The following AGO3 variants were observed in gnomAD, a reference collection of about 807,000 sequenced individuals.
AGO3 encodes the protein protein argonaute-3.
AGO3 carries 16 observed loss-of-function variants against 105.5 expected under a neutral mutation model. That is an observed-to-expected ratio of 0.15 (90% CI 0.10 to 0.23). AGO3 has a LOEUF of 0.23. Among genes scored for constraint, AGO3 ranks in the 10% least tolerant of loss-of-function variants. AGO3 has a pLI of 1.00. For synonymous variants in AGO3, 340 were observed against 367.3 expected (o/e 0.93, Z 0.85); for missense variants, 534 against 1,088.0 (o/e 0.49, Z 7.16).
rs1217744348 is a variant in AGO3 at position 36,070,778 on chromosome 1, C to G, written c.*15033C>G. 1.3e-5 allele frequency: 2 copies of G among 152,104 alleles called. No individual in the cohort carries two copies. The highest frequency in any genetic ancestry group is 2.9e-5 in the Non-Finnish European group (2 of 68,026). 9.4% of individuals were successfully genotyped at this position (152,104 alleles called of 1,614,324 possible). A position where few individuals can be genotyped will look rare whatever the true frequency, so the allele number is the denominator to read the frequency against. On this transcript the variant is annotated 3_prime_UTR_variant, in exon 19 of 19. Transcript: ENST00000373191. ...AATGAAAAATGAACAAAAAATCCAC[C>G]TTGTGCAGTGAGATAGCTAACGCTG...
intron 8 of AGO3, 91 bp from the exon 9 acceptor site, chr1:36,009,384 T>A (rs1297056754): frequency 4.2e-6 from 6 of 1,412,460 alleles, no homozygotes; most frequent in Non-Finnish European, 5.7e-6. Context: ...TGAAGTTGAT[T>A]TTAAATTTTT....
At chr1:36,045,243 A>G (rs1248813851) in intron 17 of AGO3, among the ~76,000 whole-genome samples, 4 of 151,686 alleles carry the variant, frequency 2.6e-5, no homozygotes, top group Non-Finnish European at 5.9e-5. Context: ...TTTTTTTTTA[A>G]CGGAGTCTCA....
upstream of AGO3, chr1:35,930,893 C>A: frequency 4.0e-6 from 1 of 248,782 alleles, no homozygotes; most frequent in Non-Finnish European, 7.6e-6. Context: ...TCCTGCCCCT[C>A]CGCGTTGTCT....
intron 5 of AGO3, among the ~76,000 whole-genome samples, chr1:36,000,983 C>T (rs1640056888): frequency 6.6e-6 from 1 of 152,122 alleles, no homozygotes; most frequent in African/African-American, 2.4e-5. Context: ...CGCCTGTAAT[C>T]CCAGCACTTT....
rs758001841 is a variant in AGO3, at chr1:36,060,023, A to T, written c.*4278A>T. ...TTCTAACAAGTTTCTTGGAAAAACT[A>T]TCATTCTAAGGGAAATCCCTGTTTA... On this transcript the variant is annotated 3_prime_UTR_variant, in exon 19 of 19. Transcript: ENST00000373191. 3 of 152,212 alleles carry T rather than the reference A, an allele frequency of 2.0e-5. No individual in the cohort carries two copies. The highest frequency in any genetic ancestry group is 4.4e-5 in the Non-Finnish European group (3 of 68,028). 9.4% of individuals were successfully genotyped at this position (152,212 alleles called of 1,614,324 possible).
chr1:36,039,854 G>A lies in AGO3; in HGVS notation c.1907G>A (p.Arg636Gln), dbSNP rs749241678. The A allele has an allele frequency of 6.2e-7, 1 of 1,613,710 alleles. No homozygotes were observed. Among genetic ancestry groups the A allele is most frequent in the Non-Finnish European group, 8.5e-7 (1 of 1,179,926 alleles). ...GCCACAGTAAGAGTTCAGAGACCCC[G>A]ACAGGAGATCATCCAGGACTTGGCC... ...YCATVRVQRP[R>Q]QEIIQDLASM... The change falls in exon 15 of 19, where the codon CGA (arginine) becomes CAA (glutamine). Residue 636 changes from arginine (R) to glutamine (Q), a missense_variant. Coordinates refer to ENST00000373191, the MANE Select transcript of AGO3 (RefSeq NM_024852.4).
chr1:35,994,701 A>G (rs1263677598), intron 5 of AGO3, among the ~76,000 whole-genome samples: 1 of 152,238 alleles, frequency 6.6e-6, no homozygotes, highest in Non-Finnish European at 1.5e-5. Flanking sequence ...TGCTAACTGC[A>G]TAAACAAATA....
intron 17 of AGO3, among the ~76,000 whole-genome samples, chr1:36,044,099 C>CT (rs1349354418): frequency 1.3e-5 from 2 of 152,188 alleles, no homozygotes; most frequent in Admixed American, 1.3e-4. Context: ...AATTCCAACA[C>CT]TTTGGGAGGC....
In AGO3 at chr1:36,046,668, C is replaced by T. The variant is rs549393490; in HGVS notation, c.2274+3120C>T. 4.8e-5 allele frequency among the ~76,000 whole-genome samples: 6 copies of T among 124,754 alleles called. No homozygotes were observed. In the South Asian group the frequency reaches 1.2e-3, roughly 25 times the overall value. The allele number at this position is 124,754 out of a possible 152,430, so 81.8% of individuals were successfully genotyped here. On this transcript the variant is annotated intron_variant, in intron 17 of 18. Transcript: ENST00000373191. The stretch of plus-strand genomic sequence containing the variant: ...AAAAAAAAAAAAAGAGGTCATACCT[C>T]TCCAGTGCCTAAATTGAAGGAGTAC...
chr1:36,001,935 AAAG>A (rs1167326663), intron 5 of AGO3, among the ~76,000 whole-genome samples: 2 of 152,206 alleles, frequency 1.3e-5, no homozygotes, highest in Non-Finnish European at 2.9e-5. Context: ...TTTGTGTAAT[AAAG>A]AAGTAAAAAA....
At chr1:36,022,916 C>T (rs893212277) in intron 11 of AGO3, among the ~76,000 whole-genome samples, 5 of 128,850 alleles carry the variant, frequency 3.9e-5, no homozygotes, top group East Asian at 4.3e-4. Flanking sequence ...AGTGAGACTC[C>T]GTCTCAAAAA....
upstream of AGO3, chr1:35,931,094 C>A: frequency 2.5e-6 from 1 of 392,484 alleles, no homozygotes; most frequent in East Asian, 3.6e-5. Flanking sequence ...GCTTCCGGGG[C>A]GGCCCCGGGC....
At chr1:35,944,894 A>C (rs1646333004) in intron 1 of AGO3, among the ~76,000 whole-genome samples, 2 of 152,124 alleles carry the variant, frequency 1.3e-5, no homozygotes, top group South Asian at 4.2e-4. Context: ...ACTCTGCCTC[A>C]CAGGCTCAAG....
chr1:35,982,901 T>C (rs1647079588), intron 5 of AGO3: 3 of 397,688 alleles, frequency 7.5e-6, no homozygotes, highest in Non-Finnish European at 1.3e-5. Flanking sequence ...ACTACAAGCC[T>C]GGCATATCAG....
At chr1:36,034,443 C>A in intron 13 of AGO3, 110 bp downstream of exon 13, 1 of 701,596 alleles carries the variant, frequency 1.4e-6, no homozygotes, top group Non-Finnish European at 2.0e-6. Flanking sequence ...CTTAATAATT[C>A]CTACTATGGG....
Position 36,009,600 on chromosome 1 carries a change from TA to T in AGO3, c.1149+7del, listed in dbSNP as rs1640495640. On this transcript the variant is annotated splice_region_variant and intron_variant, in intron 9 of 18. Coordinates refer to ENST00000373191, the MANE Select transcript of AGO3 (RefSeq NM_024852.4). ...AAGAGGAAATTAGCAGATTGGTTAG[TA>T]CTTAACCTTAGAAATGAGAATTTAA... 6.2e-7 allele frequency: 1 copy of T among 1,604,240 alleles called. No homozygotes were observed. The highest frequency in any genetic ancestry group is 8.5e-7 in the Non-Finnish European group (1 of 1,177,474).
intron 5 of AGO3, among the ~76,000 whole-genome samples, chr1:35,993,166 T>A (rs1647845790): frequency 6.6e-6 from 1 of 152,202 alleles, no homozygotes; most frequent in Non-Finnish European, 1.5e-5. Flanking sequence ...GTGAATCCCA[T>A]ATGTCAAGAC....
At position 35,953,068 on chromosome 1, in the gene AGO3, C is replaced by T. The variant is rs932419545; in HGVS notation, c.191+7205C>T. Among the ~76,000 whole-genome samples, 3 of 152,058 alleles carry T rather than the reference C, an allele frequency of 2.0e-5. No homozygotes were observed. In the South Asian group the frequency reaches 6.2e-4, roughly 32 times the overall value. Reference sequence around the variant, plus strand: ...CATTTTCATTTATGTTGGATATATACCTAAGAGTGATATCATATGATAACT... The same window carrying T: ...CATTTTCATTTATGTTGGATATATATCTAAGAGTGATATCATATGATAACT... On this transcript the variant is annotated intron_variant, in intron 2 of 18. Transcript: ENST00000373191.
rs1643140960 is a variant in AGO3 at position 36,070,058 on chromosome 1, A to AT, written c.*14314dup. 6.6e-6 allele frequency: 1 copy of AT among 151,980 alleles called. No homozygotes were observed. The highest frequency in any genetic ancestry group is 2.1e-4 in the South Asian group (1 of 4,822). The allele number at this position is 151,980 out of a possible 1,614,324, so 9.4% of individuals were successfully genotyped here. ...GGCAACAAAGCGAAGCTCTGTCTCA[A>AT]TAAAAAAAAAAATAATAATAATAAA... On this transcript the variant is annotated 3_prime_UTR_variant, in exon 19 of 19. Coordinates refer to ENST00000373191, the MANE Select transcript of AGO3 (RefSeq NM_024852.4).
Sources: gnomAD v4.1 joint callset for allele counts (sites outside exome capture counted in the v4.1 genomes callset) on GRCh38, gnomAD v4.1.1 for gene constraint, MANE v1.5 for transcripts, NCBI Gene and HGNC (gene_info 2026-07-23, HGNC 2026-07-21) for gene names.